Variants in PDE9A observed in about 807,000 individuals in gnomAD.
The protein encoded by PDE9A is high affinity cGMP-specific 3',5'-cyclic phosphodiesterase 9A.
PDE9A carries 60 observed loss-of-function variants against 87.4 expected under a neutral mutation model. The ratio of observed to expected loss-of-function variants is 0.69; its 90% confidence interval spans 0.56 to 0.85. The LOEUF (loss-of-function observed/expected upper bound fraction) is 0.85. Among genes scored for constraint, PDE9A ranks in the 40% least tolerant of loss-of-function variants. The pLI, the probability that PDE9A is intolerant of heterozygous loss-of-function variation, is 0.00. For synonymous variants in PDE9A, 272 were observed against 279.4 expected (o/e 0.97, Z 0.27); for missense variants, 665 against 779.0 (o/e 0.85, Z 1.74).
At chr21:42,731,147 G>A (rs566485877) in intron 4 of PDE9A, among the ~76,000 whole-genome samples, 5 of 152,246 alleles carry the variant, frequency 3.3e-5, no homozygotes, top group South Asian at 2.1e-4. Flanking sequence ...TAGTAGAGAC[G>A]GGGTTTCTCC....
chr21:42,660,072 A>C lies in PDE9A; in HGVS notation c.69+6189A>C, dbSNP rs1382053430. 1.3e-5 allele frequency among the ~76,000 whole-genome samples: 2 copies of C among 152,180 alleles called. No individual in the cohort carries two copies. Among genetic ancestry groups the C allele is most frequent in the East Asian group, 3.9e-4 (2 of 5,192 alleles). On this transcript the variant is annotated intron_variant, in intron 1 of 19. Transcript: ENST00000291539. The surrounding 1 kb of genome is among the most constrained non-coding windows in gnomAD (Gnocchi z 4.7). ...CCTGAGAGGCTGGGCCCGGTAGCCCAGTCCTGGGCTTGCTTCCCAGGGGGT... is the reference window on the plus strand; with the variant it reads ...CCTGAGAGGCTGGGCCCGGTAGCCCCGTCCTGGGCTTGCTTCCCAGGGGGT...
At chr21:42,734,816 G>A (rs1278277077) in intron 7 of PDE9A, 3 of 152,204 alleles carry the variant, frequency 2.0e-5, no homozygotes, top group Non-Finnish European at 2.9e-5. Context: ...AGAGAGGTTA[G>A]GTAACCTCAA....
chr21:42,738,932 C>T (rs1032140782), intron 7 of PDE9A, among the ~76,000 whole-genome samples: 16 of 152,220 alleles, frequency 1.1e-4, no homozygotes, highest in Admixed American at 6.5e-5. Flanking sequence ...CTCAGGTGAT[C>T]CACCTGCCTT....
At chr21:42,741,425 C>T (rs868124556) in intron 7 of PDE9A, 1 of 152,238 alleles carries the variant, frequency 6.6e-6, no homozygotes, top group Non-Finnish European at 1.5e-5. Flanking sequence ...ACAAAGACGT[C>T]CCGACCTCAG....
rs1464903432 is a variant in PDE9A at position 42,659,505 on chromosome 21, G to A, written c.69+5622G>A. On this transcript the variant is annotated intron_variant, in intron 1 of 19. Transcript: ENST00000291539. This position sits in a 1 kb window ranked among gnomAD's most constrained non-coding sequence, Gnocchi z 4.1. ...ACTGTGCAGTCCACGCGGAGCAATG[G>A]GGTGAAGTTTCCAGAGCAGGGCAGG... Among the ~76,000 whole-genome samples the A allele has an allele frequency of 6.6e-6, 1 of 152,218 alleles. No individual in the cohort carries two copies. The highest frequency in any genetic ancestry group is 2.4e-5 in the African/African-American group (1 of 41,454).
intron 4 of PDE9A, among the ~76,000 whole-genome samples, chr21:42,731,522 T>C (rs756319069): frequency 4.6e-5 from 7 of 152,146 alleles, no homozygotes; most frequent in African/African-American, 1.7e-4. Flanking sequence ...GCAGGTTCCA[T>C]TGAGCCTGGG....
chr21:42,653,949 C>G, intron 1 of PDE9A, 66 bp downstream of exon 1: 1 of 934,260 alleles, frequency 1.1e-6, no homozygotes, highest in South Asian at 1.5e-5. Flanking sequence ...CCGGGCGCGG[C>G]GGGGCGGGAC....
intron 19 of PDE9A, among the ~76,000 whole-genome samples, chr21:42,773,033 G>A (rs1244923554): frequency 6.6e-6 from 1 of 151,402 alleles, no homozygotes; most frequent in East Asian, 2.0e-4. Flanking sequence ...GGCCAAGGTG[G>A]GCGGATCACT....
Position 42,739,357 on chromosome 21 carries a change from G to C in PDE9A, c.569-4419G>C, listed in dbSNP as rs558377517. On this transcript the variant is annotated intron_variant, in intron 7 of 19. Transcript: ENST00000291539. The surrounding 1 kb of genome is among the most constrained non-coding windows in gnomAD (Gnocchi z 4.1). The stretch of plus-strand genomic sequence containing the variant: ...GGTGGAGCAGGGCTGGCAGTGGGTC[G>C]AAGAGGGGAGCTGTGGAATCTTCCC... 6.6e-5 allele frequency among the ~76,000 whole-genome samples: 10 copies of C among 152,176 alleles called. No individual in the cohort carries two copies. The highest frequency in any genetic ancestry group is 2.4e-4 in the African/African-American group (10 of 41,436).
chr21:42,658,080 C>T (rs890456235), intron 1 of PDE9A, among the ~76,000 whole-genome samples: 5 of 152,230 alleles, frequency 3.3e-5, no homozygotes, highest in Non-Finnish European at 4.4e-5. Flanking sequence ...TGCCTCCACC[C>T]GACCTATGCC....
At chr21:42,752,475 G>A (rs2054540800) in intron 9 of PDE9A, among the ~76,000 whole-genome samples, 2 of 152,150 alleles carry the variant, frequency 1.3e-5, no homozygotes, top group Admixed American at 1.3e-4. Flanking sequence ...CACCGTGTTG[G>A]CCAGGTTGGT....
At position 42,659,220 on chromosome 21, in the gene PDE9A, G is replaced by A. The variant is rs2057309266; in HGVS notation, c.69+5337G>A. Among the ~76,000 whole-genome samples the A allele has an allele frequency of 1.3e-5, 2 of 152,164 alleles. No homozygotes were observed. Among genetic ancestry groups the A allele is most frequent in the Non-Finnish European group, 2.9e-5 (2 of 68,036 alleles). ...TGTGGTCCGAATTCCCCTTTAGCCA[G>A]ACATTTCCAATGTCCAGAGGCCCAG... On this transcript the variant is annotated intron_variant, in intron 1 of 19. Coordinates refer to ENST00000291539, the MANE Select transcript of PDE9A (RefSeq NM_002606.3). This position sits in a 1 kb window ranked among gnomAD's most constrained non-coding sequence, Gnocchi z 4.1.
At chr21:42,699,276 C>T (rs141606071) in intron 4 of PDE9A, among the ~76,000 whole-genome samples, 1 of 152,330 alleles carries the variant, frequency 6.6e-6, no homozygotes, top group East Asian at 1.9e-4. Context: ...CTGGGGTTAG[C>T]CTCCCTTGTG....
intron 15 of PDE9A, 48 bp from the exon 16 acceptor site, chr21:42,768,139 GC>G (rs68104891): frequency 0.44 from 476,720 of 1,071,478 alleles, 110,416 homozygotes; most frequent in African/African-American, 0.66. Flanking sequence ...GCAGCAGCAG[GC>G]CCGTGTTCTA....
At position 42,698,777 on chromosome 21, in the gene PDE9A, A is replaced by G. The variant is rs959899882; in HGVS notation, c.219-191A>G. On this transcript the variant is annotated intron_variant, in intron 3 of 19. Transcript: ENST00000291539. ...ATTATAGAGGAAGGTGATCATTTAA[A>G]TGATATACTTGAAATTCATCTGAGT... 1.3e-4 allele frequency: 60 copies of G among 457,298 alleles called. 2 individuals carry two copies. In the South Asian group the frequency reaches 2.8e-3, roughly 22 times the overall value. 28.3% of individuals were successfully genotyped at this position (457,298 alleles called of 1,614,324 possible).
chr21:42,667,584 C>T (rs1260870244), intron 1 of PDE9A, among the ~76,000 whole-genome samples: 1 of 152,160 alleles, frequency 6.6e-6, no homozygotes, highest in African/African-American at 2.4e-5. Flanking sequence ...ACTTGGCCTG[C>T]TTCTCAGATG....
rs1269312738 is a variant in PDE9A at position 42,702,234 on chromosome 21, AGT to A, written c.262+3224_262+3225del. On this transcript the variant is annotated intron_variant, in intron 4 of 19. Transcript: ENST00000291539. The surrounding 1 kb of genome is among the most constrained non-coding windows in gnomAD (Gnocchi z 4.9). The stretch of plus-strand genomic sequence containing the variant: ...CCATTGCACTGGTCTTCCCTCCTGC[AGT>A]ATCTAGTCTGCTGTTAATCTCGTTC... 4.6e-5 allele frequency among the ~76,000 whole-genome samples: 7 copies of A among 150,660 alleles called. No individual in the cohort carries two copies. The highest frequency in any genetic ancestry group is 8.9e-5 in the Non-Finnish European group (6 of 67,712).
chr21:42,686,789 T>A (rs903136331), intron 2 of PDE9A, among the ~76,000 whole-genome samples: 10 of 152,164 alleles, frequency 6.6e-5, no homozygotes, highest in Non-Finnish European at 1.3e-4. Context: ...CACTCCAGCC[T>A]GGGCAACAGA....
chr21:42,661,909 C>T (rs540462338), intron 1 of PDE9A, among the ~76,000 whole-genome samples: 40 of 152,272 alleles, frequency 2.6e-4, no homozygotes, highest in Middle Eastern at 6.8e-3. Flanking sequence ...GCGCCAGGTT[C>T]CGCTCCACGG....
Sources: allele counts gnomAD v4.1 joint callset (sites outside exome capture counted in the v4.1 genomes callset), GRCh38; gene constraint gnomAD v4.1.1; non-coding constraint Gnocchi (gnomAD v3.1); transcripts MANE v1.5; gene names NCBI Gene and HGNC (gene_info 2026-07-23, HGNC 2026-07-21).